Variants in MOGAT1 observed in about 807,000 individuals in gnomAD.
MOGAT1 encodes the protein 2-acylglycerol O-acyltransferase 1.
A neutral mutation model predicts 31.4 loss-of-function variants in MOGAT1; 32 were observed. The ratio of observed to expected loss-of-function variants is 1.02; its 90% CI spans 0.77 to 1.37. The LOEUF (loss-of-function observed/expected upper bound fraction) is 1.37, where lower values mean the gene tolerates loss of function less well. MOGAT1 is among the 40% of genes most tolerant of loss of function. The pLI is 0.00. For synonymous variants in MOGAT1, 145 were observed against 144.5 expected, an observed-to-expected ratio of 1.00 and a Z score of -0.03; for missense variants, 426 against 402.0, an observed-to-expected ratio of 1.06 and a Z score of -0.51.
chr2:222,687,816 A>G (rs1459167366), intron 1 of MOGAT1, among the ~76,000 whole-genome samples: 1 of 152,224 alleles, frequency 6.6e-6, no homozygotes, highest in Non-Finnish European at 1.5e-5. Flanking sequence ...CAAGGTAGGA[A>G]GATGGAATTT....
intron 1 of MOGAT1, 103 bp from the exon 2 acceptor site, chr2:222,688,241 C>A: frequency 1.2e-6 from 1 of 818,480 alleles, no homozygotes; most frequent in South Asian, 2.3e-5. Flanking sequence ...TGAACTGAGG[C>A]TCAGTTTGAC....
chr2:222,704,557 G>A (rs1246887040), intron 5 of MOGAT1, among the ~76,000 whole-genome samples: 1 of 152,018 alleles, frequency 6.6e-6, no homozygotes, highest in Admixed American at 6.5e-5. Flanking sequence ...CCGGGAGGCG[G>A]AGCTTGCAGT....
In MOGAT1 at chr2:222,687,130, AAAAAAAAAAGAAAGAACAAG is replaced by A. The variant is rs1364906074; in HGVS notation, c.95-1210_95-1191del. Among the ~76,000 whole-genome samples, 77 of 122,464 alleles carry A rather than the reference AAAAAAAAAAGAAAGAACAAG, an allele frequency of 6.3e-4. 6 individuals are homozygous for A. Among genetic ancestry groups the A allele is most frequent in the African/African-American group, 2.8e-3 (73 of 26,004 alleles). The allele number at this position is 122,464 out of a possible 152,430, so 80.3% of individuals were successfully genotyped here. ...CTCCATCTCAAAAAAAAAAAAAAAAAAAAAAAAAAGAAAGAACAAGAAAGAAAGAAAAAATATATATAAAT... is the reference window on the plus strand; with the variant it reads ...CTCCATCTCAAAAAAAAAAAAAAAAAAAAGAAAGAAAAAATATATATAAAT... On this transcript the variant is annotated intron_variant, in intron 1 of 5. Transcript: ENST00000446656.
chr2:222,700,280 T>A lies in MOGAT1; in HGVS notation c.853+4992T>A, dbSNP rs572387398. Among the ~76,000 whole-genome samples, 4 of 152,368 alleles carry A rather than the reference T, an allele frequency of 2.6e-5. No homozygotes were observed. In the South Asian group the frequency reaches 8.3e-4, roughly 32 times the overall value. ...TTTTTAAATGGTTTGCCATTTGATA[T>A]CGCCCAGTTATACCTCTACTGACAA... On this transcript the variant is annotated intron_variant, in intron 5 of 5. Coordinates refer to ENST00000446656, the MANE Select transcript of MOGAT1 (RefSeq NM_058165.3).
chr2:222,676,762 T>C (rs930624903), intron 1 of MOGAT1, among the ~76,000 whole-genome samples: 11 of 152,224 alleles, frequency 7.2e-5, no homozygotes, highest in Admixed American at 2.0e-4. Context: ...GTAGTCTTTT[T>C]AATTTTTGCA....
chr2:222,701,821 G>A (rs1425660046), intron 5 of MOGAT1, among the ~76,000 whole-genome samples: 2 of 152,176 alleles, frequency 1.3e-5, no homozygotes, highest in Non-Finnish European at 2.9e-5. Context: ...GCAGCAGCTG[G>A]ATGTACAGAA....
intron 1 of MOGAT1, among the ~76,000 whole-genome samples, chr2:222,684,452 T>C (rs1692632203): frequency 6.6e-6 from 1 of 152,154 alleles, no homozygotes; most frequent in Non-Finnish European, 1.5e-5. Flanking sequence ...TGATGCTCTT[T>C]ATGATTTGAA....
intron 1 of MOGAT1, among the ~76,000 whole-genome samples, chr2:222,675,485 T>C (rs1046759114): frequency 6.7e-6 from 1 of 149,582 alleles, no homozygotes; most frequent in Admixed American, 6.6e-5. Flanking sequence ...CTTTTTCTTT[T>C]TTTTTTTTTT....
At chr2:222,685,638 T>G (rs1241854213) in intron 1 of MOGAT1, among the ~76,000 whole-genome samples, 3 of 149,872 alleles carry the variant, frequency 2.0e-5, no homozygotes, top group Admixed American at 6.7e-5. Context: ...CTCTCTCTTG[T>G]TGCCCAGCCT....
chr2:222,703,215 A>G (rs1175039343), intron 5 of MOGAT1, among the ~76,000 whole-genome samples: 1 of 152,224 alleles, frequency 6.6e-6, no homozygotes, highest in African/African-American at 2.4e-5. Context: ...CTAAAGGAAG[A>G]TAAGAGTTAT....
intron 5 of MOGAT1, among the ~76,000 whole-genome samples, chr2:222,701,573 AAAG>A (rs531462887): frequency 1.4e-4 from 13 of 93,006 alleles, no homozygotes; most frequent in Admixed American, 7.9e-4. Flanking sequence ...GAAAGAAAGA[AAAG>A]AAAGAAAAAG....
intron 5 of MOGAT1, among the ~76,000 whole-genome samples, chr2:222,700,562 G>A (rs1193624630): frequency 6.6e-6 from 1 of 152,148 alleles, no homozygotes; most frequent in African/African-American, 2.4e-5. Flanking sequence ...AATATGTTTT[G>A]TATATGTTTC....
At chr2:222,696,528 AT>A (rs1692838116) in intron 5 of MOGAT1, among the ~76,000 whole-genome samples, 1 of 152,032 alleles carries the variant, frequency 6.6e-6, no homozygotes, top group Non-Finnish European at 1.5e-5. Context: ...GATGTTGAGC[AT>A]TTTTTCATAT....
intron 1 of MOGAT1, among the ~76,000 whole-genome samples, chr2:222,674,573 C>A (rs951457994): frequency 2.0e-5 from 3 of 151,964 alleles, no homozygotes; most frequent in African/African-American, 7.3e-5. Context: ...GGCATAGTAC[C>A]CAGTAGGTAG....
chr2:222,684,330 C>A (rs1326799499), intron 1 of MOGAT1, among the ~76,000 whole-genome samples: 1 of 151,630 alleles, frequency 6.6e-6, no homozygotes, highest in African/African-American at 2.4e-5. Flanking sequence ...CCCTTGAACC[C>A]AAGAGGCGGA....
intron 5 of MOGAT1, among the ~76,000 whole-genome samples, chr2:222,695,882 C>T (rs1692829731): frequency 6.6e-6 from 1 of 151,916 alleles, no homozygotes; most frequent in African/African-American, 2.4e-5. Context: ...GTGTATACTC[C>T]ACCCAATATG....
chr2:222,685,063 AT>A (rs1246156364), intron 1 of MOGAT1, among the ~76,000 whole-genome samples: 1 of 152,228 alleles, frequency 6.6e-6, no homozygotes, highest in African/African-American at 2.4e-5. Flanking sequence ...CAAACAGCTA[AT>A]GTGAAATAAT....
At chr2:222,677,154 A>T (rs1559227504) in intron 1 of MOGAT1, among the ~76,000 whole-genome samples, 1 of 152,242 alleles carries the variant, frequency 6.6e-6, no homozygotes, top group Non-Finnish European at 1.5e-5. Flanking sequence ...ACCAGCAAGT[A>T]AAAGTTCTAC....
chr2:222,691,144 T>C (rs544275825), intron 3 of MOGAT1, among the ~76,000 whole-genome samples: 1 of 152,156 alleles, frequency 6.6e-6, no homozygotes, highest in East Asian at 1.9e-4. Flanking sequence ...TAGAGTTGGC[T>C]TTGGAGAGGA....
Sources: gnomAD v4.1 joint callset for allele counts (sites outside exome capture counted in the v4.1 genomes callset) on GRCh38, gnomAD v4.1.1 for gene constraint, MANE v1.5 for transcripts, NCBI Gene and HGNC (gene_info 2026-07-23, HGNC 2026-07-21) for gene names.